The following ITPR2 variants were observed in gnomAD, a reference collection of about 807,000 sequenced individuals.
ITPR2 encodes inositol 1,4,5-trisphosphate-gated calcium channel ITPR2.
In ITPR2, 207 loss-of-function variants were observed where a neutral mutation model predicts 317.1. That is an observed-to-expected ratio of 0.65 (90% CI 0.58 to 0.73). The LOEUF (loss-of-function observed/expected upper bound fraction) is 0.73, where lower values mean the gene tolerates loss of function less well. ITPR2 is among the 30% of genes least tolerant of loss of function. The probability of loss-of-function intolerance (pLI) is 0.00; values close to 1 mark genes in which losing one functional copy is unlikely to be tolerated. For missense variants in ITPR2, 2,613 were observed against 3,284.0 expected (o/e 0.80, Z 4.99); for synonymous variants, 1,156 against 1,149.1 (o/e 1.01, Z -0.12).
chr12:26,612,214 T>G (rs1023349800), intron 26 of ITPR2, among the ~76,000 whole-genome samples: 3 of 151,536 alleles, frequency 2.0e-5, no homozygotes, highest in African/African-American at 7.3e-5. Context: ...AAACTTTTTT[T>G]CCCCTCACGC....
chr12:26,776,840 C>T (rs1949981019), intron 2 of ITPR2, among the ~76,000 whole-genome samples: 1 of 152,226 alleles, frequency 6.6e-6, no homozygotes, highest in African/African-American at 2.4e-5. Context: ...CTCAACACCC[C>T]TGTTTGCTTC....
chr12:26,757,647 C>T (rs898602240), intron 2 of ITPR2, among the ~76,000 whole-genome samples: 2 of 152,238 alleles, frequency 1.3e-5, no homozygotes, highest in African/African-American at 4.8e-5. Context: ...AACAGCTTGA[C>T]TTACGATATT....
intron 9 of ITPR2, among the ~76,000 whole-genome samples, chr12:26,700,641 G>A (rs1224142555): frequency 1.3e-5 from 2 of 152,168 alleles, no homozygotes; most frequent in Non-Finnish European, 2.9e-5. Context: ...TGTGATGCAA[G>A]CTGGGAAGGA....
chr12:26,470,618 A>G (rs1402820096), intron 45 of ITPR2, among the ~76,000 whole-genome samples: 1 of 152,220 alleles, frequency 6.6e-6, no homozygotes, highest in Non-Finnish European at 1.5e-5. Context: ...TTCATCTATC[A>G]TATGTTAATT....
chr12:26,347,726 C>T lies in ITPR2; in HGVS notation c.7858-7398G>A, dbSNP rs75126367. Among the ~76,000 whole-genome samples the T allele has an allele frequency of 9.4e-3, 1,433 of 152,282 alleles. 30 individuals are homozygous for T. Among genetic ancestry groups the T allele is most frequent in the African/African-American group, 0.032 (1,331 of 41,550 alleles). On this transcript the variant is annotated intron_variant, in intron 55 of 56. Coordinates refer to ENST00000381340, the MANE Select transcript of ITPR2 (RefSeq NM_002223.4). ...CAGAAGCTACTATACCTTGGGCCCCCTTGATTTCTTCTTCTGGGGTATGCT... is the reference window on the plus strand; with the variant it reads ...CAGAAGCTACTATACCTTGGGCCCCTTTGATTTCTTCTTCTGGGGTATGCT...
At chr12:26,726,954 T>A (rs1336878020) in intron 2 of ITPR2, among the ~76,000 whole-genome samples, 1 of 152,020 alleles carries the variant, frequency 6.6e-6, no homozygotes, top group African/African-American at 2.4e-5. Flanking sequence ...GACAAGGTAA[T>A]AGTAAACTAA....
chr12:26,350,400 C>A (rs565644754), intron 55 of ITPR2, among the ~76,000 whole-genome samples: 1 of 152,004 alleles, frequency 6.6e-6, no homozygotes, highest in Non-Finnish European at 1.5e-5. Context: ...ATCCTGGGGG[C>A]GAGAGGCACT....
At chr12:26,819,805 G>A (rs768937502) in intron 1 of ITPR2, among the ~76,000 whole-genome samples, 4 of 151,666 alleles carry the variant, frequency 2.6e-5, no homozygotes, top group Non-Finnish European at 5.9e-5. Flanking sequence ...GGTAGCTCAC[G>A]CCTGTAATCC....
chr12:26,740,526 C>T (rs1383465304), intron 2 of ITPR2, among the ~76,000 whole-genome samples: 1 of 152,140 alleles, frequency 6.6e-6, no homozygotes, highest in Non-Finnish European at 1.5e-5. Context: ...AAAGAGTAAG[C>T]TTCATTCCGC....
At chr12:26,687,822 C>T (rs1948158556) in intron 10 of ITPR2, among the ~76,000 whole-genome samples, 2 of 152,170 alleles carry the variant, frequency 1.3e-5, no homozygotes. Context: ...TCTTTGACTT[C>T]TGTGTCTTCC....
chr12:26,790,144 A>C lies in ITPR2; in HGVS notation c.163+13T>G. 6.3e-7 allele frequency: 1 copy of C among 1,575,766 alleles called. No individual in the cohort carries two copies. Among genetic ancestry groups the C allele is most frequent in the Non-Finnish European group, 8.7e-7 (1 of 1,145,082 alleles). On this transcript the variant is annotated intron_variant, in intron 2 of 56. Coordinates refer to ENST00000381340, the MANE Select transcript of ITPR2 (RefSeq NM_002223.4). ...TTAGCTCACACAATTAAAAAAATAT[A>C]TGTATTTCTTACCTCTGAACTTCTT...
chr12:26,623,695 G>C (rs1036003993), intron 24 of ITPR2, among the ~76,000 whole-genome samples: 10 of 152,050 alleles, frequency 6.6e-5, no homozygotes, highest in Non-Finnish European at 1.0e-4. Context: ...TAATATAAAT[G>C]AGCACCAGAA....
intron 23 of ITPR2, among the ~76,000 whole-genome samples, chr12:26,626,166 T>C (rs1946620170): frequency 6.6e-6 from 1 of 152,172 alleles, no homozygotes; most frequent in East Asian, 1.9e-4. Flanking sequence ...GGTTTCGCCA[T>C]GTTGCCCAGT....
chr12:26,734,877 G>C (rs554026322), intron 2 of ITPR2, among the ~76,000 whole-genome samples: 1 of 151,900 alleles, frequency 6.6e-6, no homozygotes, highest in East Asian at 1.9e-4. Context: ...ACTCCAATAA[G>C]ACTAGCTTTC....
At chr12:26,568,008 A>ATATATATATATATATATATTATATATAT in intron 34 of ITPR2, among the ~76,000 whole-genome samples, 1 of 5,492 alleles carries the variant, frequency 1.8e-4, no homozygotes, top group South Asian at 0.01. Flanking sequence ...TATATATATT[A>ATATATATATATATATATATTATATATAT]TATATATATA....
In ITPR2 at chr12:26,832,912, A is replaced by G. The variant is rs1020942813; in HGVS notation, c.-131T>C. ...GCGGCCAAGAGCCGCGGCGGAGGGC[A>G]CGGCCCGAGCCACTGAGCGTCGCGG... On this transcript the variant is annotated 5_prime_UTR_variant, in exon 1 of 57. Coordinates refer to ENST00000381340, the MANE Select transcript of ITPR2 (RefSeq NM_002223.4). 2.3e-5 allele frequency: 16 copies of G among 706,222 alleles called. No homozygotes were observed. The Admixed American group carries it at 4.3e-4, about 19-fold the overall frequency. The allele number at this position is 706,222 out of a possible 1,614,324, so 43.7% of individuals were successfully genotyped here.
intron 55 of ITPR2, among the ~76,000 whole-genome samples, chr12:26,371,091 G>A (rs1939175288): frequency 6.6e-6 from 1 of 152,160 alleles, no homozygotes; most frequent in South Asian, 2.1e-4. Flanking sequence ...CCCTCTGGAT[G>A]GCCCATTGAC....
intron 1 of ITPR2, chr12:26,800,704 T>C (rs1456245465): frequency 6.6e-6 from 1 of 152,224 alleles, no homozygotes; most frequent in Non-Finnish European, 1.5e-5. Context: ...AGCTAATTAA[T>C]ATCTTAGAAG....
intron 45 of ITPR2, among the ~76,000 whole-genome samples, chr12:26,463,978 G>T (rs541546028): frequency 6.6e-6 from 1 of 152,128 alleles, no homozygotes; most frequent in African/African-American, 2.4e-5. Flanking sequence ...TGCTTTTCTC[G>T]GTTTATCTAA....
Sources: allele counts gnomAD v4.1 joint callset (sites outside exome capture counted in the v4.1 genomes callset), GRCh38; gene constraint gnomAD v4.1.1; transcripts MANE v1.5; gene names NCBI Gene and HGNC (gene_info 2026-07-23, HGNC 2026-07-21).